GPR89A: variants seen among roughly 807,000 people sequenced by gnomAD.
GPR89A encodes the protein golgi pH regulator A, also known as G protein-coupled receptor 89A.
Under a neutral mutation model 52.0 loss-of-function variants are expected in GPR89A, and 16 were observed. The observed-to-expected ratio is 0.31, with a 90% CI of 0.21 to 0.47. The LOEUF is 0.47. GPR89A is among the 20% of genes least tolerant of loss of function. The pLI is 1.00. For missense variants in GPR89A, 135 were observed against 449.4 expected, an observed-to-expected ratio of 0.30 and a Z score of 6.33; for synonymous variants, 55 against 150.9, an observed-to-expected ratio of 0.36 and a Z score of 4.66.
Position 145,637,498 on chromosome 1 carries a change from CA to C in GPR89A, c.617+5761del, listed in dbSNP as rs587598568. ...AAGTAAATTAACTGCTTACTAGTAC[CA>C]AAAAAATTAACAATTCTCAGAAAAA... is the stretch of plus-strand genomic sequence containing the variant. On this transcript the variant is annotated intron_variant, in intron 7 of 13. Coordinates refer to ENST00000313835, the MANE Select transcript of GPR89A (RefSeq NM_001097612.2). Among the ~76,000 whole-genome samples, 700 of 152,118 alleles carry C rather than the reference CA, an allele frequency of 4.6e-3. 6 individuals carry two copies. Among genetic ancestry groups the C allele is most frequent in the Non-Finnish European group, 8.0e-3 (542 of 67,996 alleles).
At chr1:145,641,326 G>A (rs587602094) in intron 7 of GPR89A, among the ~76,000 whole-genome samples, 3 of 152,030 alleles carry the variant, frequency 2.0e-5, no homozygotes, top group South Asian at 2.1e-4. Context: ...GAACAGATTC[G>A]TGGTTGCCAG....
intron 1 of GPR89A, among the ~76,000 whole-genome samples, chr1:145,615,017 A>C (rs1210277386): frequency 6.6e-6 from 1 of 152,232 alleles, no homozygotes; most frequent in African/African-American, 2.4e-5. Context: ...CATTTTATTC[A>C]TAAAGGTCCT....
At chr1:145,656,104 C>T (rs1218349765) in intron 10 of GPR89A, among the ~76,000 whole-genome samples, 7 of 152,102 alleles carry the variant, frequency 4.6e-5, no homozygotes, top group African/African-American at 7.2e-5. Context: ...GGGAATTCCT[C>T]CTGGTCCAAA....
chr1:145,662,973 A>T (rs1553695870), intron 10 of GPR89A, among the ~76,000 whole-genome samples: 1 of 152,094 alleles, frequency 6.6e-6, no homozygotes, highest in Admixed American at 6.6e-5. Flanking sequence ...CTGTTAAAGC[A>T]TTCAGAAAAT....
At chr1:145,655,747 G>C (rs1225886881) in intron 10 of GPR89A, among the ~76,000 whole-genome samples, 1 of 151,996 alleles carries the variant, frequency 6.6e-6, no homozygotes, top group African/African-American at 2.4e-5. Flanking sequence ...CCCTGGTGGG[G>C]GGTCTCAGTC....
intron 1 of GPR89A, chr1:145,611,663 T>A (rs1648289222): frequency 1.8e-5 from 2 of 113,154 alleles, no homozygotes; most frequent in South Asian, 6.9e-4. Flanking sequence ...TGTTTTCTCT[T>A]CCATTTCATA....
intron 8 of GPR89A, chr1:145,645,364 T>C (rs1387213838): frequency 2.9e-6 from 1 of 344,444 alleles, no homozygotes; most frequent in Admixed American, 4.0e-5. Flanking sequence ...TGTGCTTCTA[T>C]TTTAGAAGGG....
At chr1:145,624,959 C>T (rs1649389240) in intron 5 of GPR89A, among the ~76,000 whole-genome samples, 1 of 146,676 alleles carries the variant, frequency 6.8e-6, no homozygotes, top group Non-Finnish European at 1.5e-5. Flanking sequence ...AGTACCAAAA[C>T]AAATGCTGGA....
intron 7 of GPR89A, among the ~76,000 whole-genome samples, chr1:145,632,644 GT>G (rs1649958758): frequency 6.6e-6 from 1 of 152,118 alleles, no homozygotes; most frequent in African/African-American, 2.4e-5. Flanking sequence ...CCATTTTTCT[GT>G]TGCTGCACAT....
At chr1:145,651,979 AC>A (rs1553693599) in intron 10 of GPR89A, among the ~76,000 whole-genome samples, 1 of 131,028 alleles carries the variant, frequency 7.6e-6, no homozygotes, top group Non-Finnish European at 1.6e-5. Context: ...CTATTTGAAT[AC>A]CCTTTATTTC....
At chr1:145,626,681 G>T (rs1270501101) in intron 5 of GPR89A, among the ~76,000 whole-genome samples, 1 of 150,822 alleles carries the variant, frequency 6.6e-6, no homozygotes, top group African/African-American at 2.4e-5. Flanking sequence ...TGGGCAGGTT[G>T]GCTCACCCCT....
intron 5 of GPR89A, among the ~76,000 whole-genome samples, chr1:145,627,344 G>A (rs1553689172): frequency 2.0e-5 from 3 of 152,140 alleles, no homozygotes; most frequent in African/African-American, 2.4e-5. Flanking sequence ...AAATTTAATA[G>A]CCCATATTAA....
At chr1:145,635,103 A>T (rs1363494839) in intron 7 of GPR89A, among the ~76,000 whole-genome samples, 1 of 152,192 alleles carries the variant, frequency 6.6e-6, no homozygotes, top group Non-Finnish European at 1.5e-5. Context: ...GCCTTAATGT[A>T]AGAGATAACA....
chr1:145,647,768 G>A (rs1553692858), intron 10 of GPR89A, among the ~76,000 whole-genome samples: 1 of 132,998 alleles, frequency 7.5e-6, no homozygotes, highest in African/African-American at 2.9e-5. Context: ...TCACGCCACT[G>A]CACTCCAGCC....
At chr1:145,646,973 A>T (rs1420276563) in intron 9 of GPR89A, 4 of 645,228 alleles carry the variant, frequency 6.2e-6, no homozygotes, top group Non-Finnish European at 1.1e-5. Context: ...TGGATAATGC[A>T]TGTAAGATGT....
intron 3 of GPR89A, among the ~76,000 whole-genome samples, chr1:145,619,913 G>C (rs587745821): frequency 1.3e-5 from 2 of 152,054 alleles, no homozygotes; most frequent in African/African-American, 4.8e-5. Flanking sequence ...TACTTGGGGG[G>C]CTGAGGCAGG....
chr1:145,657,781 G>T (rs1464244081), intron 10 of GPR89A, among the ~76,000 whole-genome samples: 1 of 149,128 alleles, frequency 6.7e-6, no homozygotes, highest in Non-Finnish European at 1.5e-5. Context: ...GCATGATATT[G>T]CTCATAATAT....
intron 7 of GPR89A, among the ~76,000 whole-genome samples, chr1:145,641,477 T>C (rs1246317017): frequency 2.0e-5 from 3 of 150,828 alleles, no homozygotes; most frequent in Non-Finnish European, 2.9e-5. Flanking sequence ...GATATTTCAG[T>C]TGAGGAAATC....
intron 7 of GPR89A, among the ~76,000 whole-genome samples, chr1:145,632,126 T>C (rs1649916793): frequency 6.6e-6 from 1 of 151,308 alleles, no homozygotes; most frequent in Non-Finnish European, 1.5e-5. Context: ...ATTTTTTTGT[T>C]TAATTTTTTA....
Sources: gnomAD v4.1 joint callset for allele counts (sites outside exome capture counted in the v4.1 genomes callset) on GRCh38, gnomAD v4.1.1 for gene constraint, MANE v1.5 for transcripts, NCBI Gene and HGNC (gene_info 2026-07-23, HGNC 2026-07-21) for gene names.